Variants in KIAA1217 observed in about 807,000 individuals in gnomAD.
The protein encoded by KIAA1217 is sickle tail protein homolog.
Under a neutral mutation model 163.9 loss-of-function variants are expected in KIAA1217, and 88 were observed. That is an observed-to-expected ratio of 0.54 (90% confidence interval 0.45 to 0.64). The LOEUF (loss-of-function observed/expected upper bound fraction) is 0.64, where lower values mean the gene tolerates loss of function less well. Among genes scored for constraint, KIAA1217 ranks in the 30% least tolerant of loss-of-function variants. KIAA1217 has a pLI of 0.00. For missense variants in KIAA1217, 2,372 were observed against 2,475.0 expected, an observed-to-expected ratio of 0.96 and a Z score of 0.88; for synonymous variants, 903 against 923.1, an observed-to-expected ratio of 0.98 and a Z score of 0.39.
In KIAA1217 at chr10:24,531,933, C is replaced by T. The variant is rs771696120; in HGVS notation, c.3186C>T (p.Leu1062=). The T allele has an allele frequency of 2.0e-5, 32 of 1,609,882 alleles. No individual in the cohort carries two copies. The highest frequency in any genetic ancestry group is 2.7e-5 in the Non-Finnish European group (32 of 1,177,612). ...GAAGCTACCTGCCAGGATCGGGACTCACCACCACGAGGTCAGGCGATGTGG... is the reference window on the plus strand; with the variant it reads ...GAAGCTACCTGCCAGGATCGGGACTTACCACCACGAGGTCAGGCGATGTGG... ...PRRSYLPGSG[L]TTTRSGDVVY... The change falls in exon 15 of 21, where the codon CTC becomes CTT. Residue 1062 remains leucine, a synonymous_variant. Coordinates refer to ENST00000376454, the MANE Select transcript of KIAA1217 (RefSeq NM_019590.5).
At chr10:23,776,606 G>A (rs2130892216) in intron 1 of KIAA1217, among the ~76,000 whole-genome samples, 1 of 149,502 alleles carries the variant, frequency 6.7e-6, no homozygotes, top group South Asian at 2.1e-4. Flanking sequence ...ATTTTTAAAT[G>A]TATAGATAAA....
At chr10:23,923,037 C>T (rs995119819) in intron 1 of KIAA1217, among the ~76,000 whole-genome samples, 2 of 151,970 alleles carry the variant, frequency 1.3e-5, no homozygotes, top group African/African-American at 2.4e-5. Flanking sequence ...TTTGGCACAC[C>T]TGTCACCCAA....
intron 10 of KIAA1217, among the ~76,000 whole-genome samples, chr10:24,517,220 T>C (rs1261963352): frequency 1.3e-5 from 2 of 151,816 alleles, no homozygotes; most frequent in African/African-American, 4.8e-5. Context: ...TATATCCTTT[T>C]AATAATGGTA....
At chr10:24,144,054 T>G (rs944560721) in intron 2 of KIAA1217, among the ~76,000 whole-genome samples, 23 of 152,172 alleles carry the variant, frequency 1.5e-4, no homozygotes, top group African/African-American at 5.6e-4. Flanking sequence ...ATCTACAGAA[T>G]CTAGATAGAA....
chr10:23,704,172 G>GTGTGTGTGTATATATATATATATA (rs1229370789), intron 1 of KIAA1217, among the ~76,000 whole-genome samples: 4 of 39,950 alleles, frequency 1.0e-4, no homozygotes, highest in African/African-American at 1.3e-4. Flanking sequence ...GTGTGTGTGT[G>GTGTGTGTGTATATATATATATATA]TATATATATA....
At chr10:23,831,011 C>G (rs1303903241) in intron 1 of KIAA1217, among the ~76,000 whole-genome samples, 1 of 152,072 alleles carries the variant, frequency 6.6e-6, no homozygotes, top group Non-Finnish European at 1.5e-5. Context: ...GAGGCAGCAT[C>G]CTGCAGAGCC....
chr10:24,158,491 C>T (rs1037827157), intron 2 of KIAA1217: 9 of 527,062 alleles, frequency 1.7e-5, no homozygotes, highest in African/African-American at 1.3e-4. Context: ...ACTGCAGGCT[C>T]GGAAAGCCTT....
chr10:23,755,481 A>T (rs1030235303), intron 1 of KIAA1217, among the ~76,000 whole-genome samples: 4 of 152,194 alleles, frequency 2.6e-5, no homozygotes, highest in Admixed American at 6.5e-5. Context: ...TACTTCTGTT[A>T]TACAGTCCTA....
chr10:23,935,652 CAAAT>C (rs143167003), intron 1 of KIAA1217, among the ~76,000 whole-genome samples: 5,944 of 152,114 alleles, frequency 0.039, 374 homozygotes, highest in African/African-American at 0.14. Context: ...ATTGATAAAA[CAAAT>C]AAAAGGTACA....
In KIAA1217 at chr10:24,536,843, C is replaced by G. The variant is rs201432790; in HGVS notation, c.3484C>G (p.His1162Asp). The change falls in exon 17 of 21, where the codon CAC becomes GAC. Residue 1162 changes from histidine (H) to aspartate (D), a missense_variant. Transcript: ENST00000376454. ...SHAEPSRADS[H>D]VKDTRSGATV... is the part of the protein sequence containing the mutation. ...TGCTGAGCCATCCCGGGCTGACAGTCACGTTAAAGACACTAGGTCGGGCGC... is the reference window on the plus strand; with the variant it reads ...TGCTGAGCCATCCCGGGCTGACAGTGACGTTAAAGACACTAGGTCGGGCGC... The G allele has an allele frequency of 6.2e-7, 1 of 1,614,060 alleles. No homozygotes were observed. The highest frequency in any genetic ancestry group is 8.5e-7 in the Non-Finnish European group (1 of 1,179,988).
At chr10:24,536,224 C>T (rs1194279444) in intron 16 of KIAA1217, among the ~76,000 whole-genome samples, 1 of 152,154 alleles carries the variant, frequency 6.6e-6, no homozygotes, top group Admixed American at 6.5e-5. Context: ...GGAATGACAT[C>T]GTTGCTTAAA....
At chr10:24,419,172 CAAAAA>C (rs71397949) in intron 3 of KIAA1217, among the ~76,000 whole-genome samples, 3 of 82,600 alleles carry the variant, frequency 3.6e-5, no homozygotes, top group African/African-American at 4.8e-5. Flanking sequence ...GACTCGTCTC[CAAAAA>C]AAAAAAAAAA....
intron 2 of KIAA1217, among the ~76,000 whole-genome samples, chr10:24,151,472 G>C (rs1465728804): frequency 6.9e-6 from 1 of 145,052 alleles, no homozygotes; most frequent in Non-Finnish European, 1.5e-5. Context: ...CATCGGGCAT[G>C]GTTCAAGGTT....
intron 2 of KIAA1217, among the ~76,000 whole-genome samples, chr10:24,182,453 C>CACACACAA (rs2066226439): frequency 6.6e-6 from 1 of 151,834 alleles, no homozygotes; most frequent in Non-Finnish European, 1.5e-5. Context: ...CACACACACA[C>CACACACAA]ACACACACAC....
chr10:24,267,147 G>A (rs1273151180), intron 2 of KIAA1217, among the ~76,000 whole-genome samples: 3 of 152,138 alleles, frequency 2.0e-5, no homozygotes, highest in Non-Finnish European at 2.9e-5. Context: ...TTATAATAAC[G>A]AGGTTGAATT....
intron 2 of KIAA1217, among the ~76,000 whole-genome samples, chr10:24,332,239 T>C (rs1264083637): frequency 6.6e-6 from 1 of 152,254 alleles, no homozygotes; most frequent in East Asian, 1.9e-4. Context: ...TAGCAGACTT[T>C]GGATTAAAAT....
At chr10:23,798,185 C>G (rs992839738) in intron 1 of KIAA1217, among the ~76,000 whole-genome samples, 6 of 152,158 alleles carry the variant, frequency 3.9e-5, no homozygotes, top group Non-Finnish European at 8.8e-5. Flanking sequence ...GGCCTATGAA[C>G]CAGCATTTTG....
At chr10:23,808,053 C>T (rs568023568) in intron 1 of KIAA1217, among the ~76,000 whole-genome samples, 3 of 152,162 alleles carry the variant, frequency 2.0e-5, no homozygotes, top group Non-Finnish European at 4.4e-5. Context: ...ATCACCAAAG[C>T]GAAGTTAGAA....
intron 3 of KIAA1217, among the ~76,000 whole-genome samples, chr10:24,398,312 G>A (rs74122290): frequency 1.0e-3 from 153 of 152,216 alleles, no homozygotes; most frequent in Middle Eastern, 3.4e-3. Flanking sequence ...TCTTCACATT[G>A]AATAAAGCTG....
Sources: gnomAD v4.1 joint callset for allele counts (sites outside exome capture counted in the v4.1 genomes callset) on GRCh38, gnomAD v4.1.1 for gene constraint, MANE v1.5 for transcripts, NCBI Gene and HGNC (gene_info 2026-07-23, HGNC 2026-07-21) for gene names.